WDR72: variants seen among roughly 807,000 people sequenced by gnomAD.
WDR72 encodes the protein WD repeat-containing protein 72.
A neutral mutation model predicts 124.2 loss-of-function variants in WDR72; 120 were observed. The ratio of observed to expected loss-of-function variants is 0.97; its 90% CI spans 0.83 to 1.12. WDR72 has a LOEUF of 1.12. Among genes scored for constraint, WDR72 ranks in the 50% most tolerant of loss-of-function variants. The probability of loss-of-function intolerance (pLI) is 0.00; values close to 1 mark genes in which losing one functional copy is unlikely to be tolerated. For missense variants in WDR72, 1,387 were observed against 1,278.8 expected (o/e 1.08, Z -1.29); for synonymous variants, 452 against 441.7 (o/e 1.02, Z -0.29).
intron 14 of WDR72, among the ~76,000 whole-genome samples, chr15:53,664,704 T>G (rs535235344): frequency 6.6e-6 from 1 of 152,028 alleles, no homozygotes; most frequent in Non-Finnish European, 1.5e-5. Flanking sequence ...ATAATCTACA[T>G]GAAAAAAGCT....
chr15:53,540,870 G>C (rs1893073402), intron 18 of WDR72: 1 of 154,522 alleles, frequency 6.5e-6, no homozygotes, highest in South Asian at 2.0e-4. Flanking sequence ...CCTAGTCAAA[G>C]AAAGGGGTGA....
chr15:53,650,255 G>C (rs1309068089), intron 14 of WDR72, among the ~76,000 whole-genome samples: 1 of 152,122 alleles, frequency 6.6e-6, no homozygotes, highest in Non-Finnish European at 1.5e-5. Flanking sequence ...TAGAATCGAA[G>C]AGTGGAATTG....
chr15:53,701,658 C>G (rs938664905), intron 12 of WDR72, among the ~76,000 whole-genome samples: 3 of 151,988 alleles, frequency 2.0e-5, no homozygotes, highest in East Asian at 3.9e-4. Flanking sequence ...AGGTCTTGCT[C>G]TGTTGCCCAG....
At position 53,606,507 on chromosome 15, in the gene WDR72, C is replaced by G. The variant is rs143700703; in HGVS notation, c.2952+3006G>C. The stretch of plus-strand genomic sequence containing the variant: ...ATGAGACAAACAAGGTCACTGCTCT[C>G]AGCAAGCTTATATAACAGCGAGAAG... On this transcript the variant is annotated intron_variant, in intron 17 of 19. Transcript: ENST00000360509. 7.5e-4 allele frequency among the ~76,000 whole-genome samples: 114 copies of G among 152,210 alleles called. 1 individual carries two copies. Among genetic ancestry groups the G allele is most frequent in the African/African-American group, 2.7e-3 (113 of 41,522 alleles).
intron 13 of WDR72, among the ~76,000 whole-genome samples, chr15:53,673,585 G>A (rs888611440): frequency 2.6e-5 from 4 of 152,108 alleles, no homozygotes; most frequent in Non-Finnish European, 4.4e-5. Flanking sequence ...CACATATATT[G>A]TAAACCAATG....
intron 1 of WDR72, among the ~76,000 whole-genome samples, chr15:53,758,074 T>C (rs773196083): frequency 3.3e-5 from 5 of 152,048 alleles, no homozygotes; most frequent in Non-Finnish European, 5.9e-5. Flanking sequence ...CATGCAATCA[T>C]GGCTCACTGC....
chr15:53,712,737 A>G (rs2017581294), intron 7 of WDR72, 35 bp downstream of exon 7: 5 of 1,595,126 alleles, frequency 3.1e-6, no homozygotes, highest in Non-Finnish European at 4.3e-6. Context: ...TTACACTTGT[A>G]CATCACTGGT....
intron 3 of WDR72, among the ~76,000 whole-genome samples, chr15:53,718,914 G>A (rs995348510): frequency 1.1e-4 from 17 of 149,284 alleles, no homozygotes; most frequent in Admixed American, 4.6e-4. Context: ...AAGTGTCTAC[G>A]ACATATAACA....
intron 1 of WDR72, among the ~76,000 whole-genome samples, chr15:53,735,283 A>AG (rs778430227): frequency 9.9e-5 from 15 of 151,950 alleles, no homozygotes; most frequent in East Asian, 5.8e-4. Flanking sequence ...AGAGCAAGAC[A>AG]GGGGGGAAAA....
At chr15:53,758,766 T>A (rs1567067858) in intron 1 of WDR72, among the ~76,000 whole-genome samples, 1 of 902 alleles carries the variant, frequency 1.1e-3, no homozygotes, top group Non-Finnish European at 2.4e-3. Context: ...AACACAAAAC[T>A]GCGGGGGGGG....
At chr15:53,746,115 C>A (rs975151140) in intron 1 of WDR72, among the ~76,000 whole-genome samples, 3 of 152,214 alleles carry the variant, frequency 2.0e-5, no homozygotes, top group Non-Finnish European at 2.9e-5. Flanking sequence ...GATCCTCTCT[C>A]CATAAATACA....
At chr15:53,598,746 AC>A (rs1408560871) in intron 17 of WDR72, among the ~76,000 whole-genome samples, 1 of 152,226 alleles carries the variant, frequency 6.6e-6, no homozygotes, top group Admixed American at 6.5e-5. Context: ...ACTATTGCAT[AC>A]CATGCATACT....
intron 14 of WDR72, among the ~76,000 whole-genome samples, chr15:53,634,209 T>C (rs1002321700): frequency 3.3e-5 from 5 of 152,320 alleles, no homozygotes; most frequent in South Asian, 2.1e-4. Context: ...CTCTGGAAGG[T>C]AGACAGAAGC....
rs536038929 is a variant in WDR72 at position 53,517,438 on chromosome 15, AG to A, written c.*260del. The A allele has an allele frequency of 2.5e-3, 1,067 of 433,114 alleles. No homozygotes were observed. Among genetic ancestry groups the A allele is most frequent in the Non-Finnish European group, 3.9e-3 (919 of 235,474 alleles). 26.8% of individuals were successfully genotyped at this position (433,114 alleles called of 1,614,324 possible). ...CCCTGTTGGAAATATTAACAGAAAA[AG>A]TAAGAAACAGGAATAGAGAATGATC... is the stretch of plus-strand genomic sequence containing the variant. On this transcript the variant is annotated 3_prime_UTR_variant, in exon 20 of 20. Coordinates refer to ENST00000360509, the MANE Select transcript of WDR72 (RefSeq NM_182758.4).
intron 13 of WDR72, among the ~76,000 whole-genome samples, chr15:53,675,630 T>C (rs766110141): frequency 2.1e-4 from 32 of 152,336 alleles, no homozygotes; most frequent in African/African-American, 5.3e-4. Flanking sequence ...AAGTAGATTT[T>C]GTCCCTCATG....
At chr15:53,692,179 T>A (rs1291562360) in intron 13 of WDR72, among the ~76,000 whole-genome samples, 3 of 152,240 alleles carry the variant, frequency 2.0e-5, no homozygotes, top group Admixed American at 2.0e-4. Context: ...CTTTAGTATA[T>A]TCCATATGCC....
At chr15:53,581,853 A>C (rs953213984) in intron 18 of WDR72, among the ~76,000 whole-genome samples, 6 of 152,060 alleles carry the variant, frequency 3.9e-5, no homozygotes, top group South Asian at 2.1e-4. Flanking sequence ...GACTTTTTCC[A>C]TGTCTAGATT....
intron 2 of WDR72, 47 bp downstream of exon 2, chr15:53,732,950 G>C: frequency 6.2e-7 from 1 of 1,611,332 alleles, no homozygotes; most frequent in Non-Finnish European, 8.5e-7. Context: ...CAAGTTGTCC[G>C]TATTTTGTGA....
chr15:53,623,077 C>T (rs2014064894), intron 14 of WDR72, among the ~76,000 whole-genome samples: 1 of 152,002 alleles, frequency 6.6e-6, no homozygotes, highest in South Asian at 2.1e-4. Context: ...AATCATTAGT[C>T]TCAAAAAAGT....
Sources: gnomAD v4.1 joint callset for allele counts (sites outside exome capture counted in the v4.1 genomes callset) on GRCh38, gnomAD v4.1.1 for gene constraint, MANE v1.5 for transcripts, NCBI Gene and HGNC (gene_info 2026-07-23, HGNC 2026-07-21) for gene names.